The following DNAH14 variants were observed in gnomAD, a reference collection of about 807,000 sequenced individuals.
DNAH14 encodes the protein axonemal beta dynein heavy chain 14.
In DNAH14, 478 loss-of-function variants were observed where a neutral mutation model predicts 520.9. The observed-to-expected ratio is 0.92, with a 90% CI of 0.85 to 0.99. The LOEUF (loss-of-function observed/expected upper bound fraction) is 0.99, where lower values mean the gene tolerates loss of function less well. DNAH14 is among the 50% of genes least tolerant of loss of function. The pLI is 0.00. For synonymous variants in DNAH14, 1,581 were observed against 1,757.2 expected (o/e 0.90, Z 2.51); for missense variants, 4,831 against 5,234.5 (o/e 0.92, Z 2.38).
intron 52 of DNAH14, among the ~76,000 whole-genome samples, 183 bp from the exon 53 acceptor site, chr1:225,275,731 G>A (rs1412183693): frequency 1.3e-5 from 2 of 152,094 alleles, no homozygotes; most frequent in Non-Finnish European, 2.9e-5. Context: ...TTGAGAAAGA[G>A]TCCACAGGCT....
At chr1:225,349,646 G>C (rs572740725) in intron 71 of DNAH14, among the ~76,000 whole-genome samples, 34 of 152,182 alleles carry the variant, frequency 2.2e-4, no homozygotes, top group African/African-American at 6.7e-4. Flanking sequence ...GAGTAGGAGT[G>C]GTTGTACTAA....
intron 3 of DNAH14, among the ~76,000 whole-genome samples, chr1:224,959,160 A>G (rs183158975): frequency 3.3e-5 from 5 of 152,222 alleles, no homozygotes; most frequent in Admixed American, 6.6e-5. Flanking sequence ...GCTTAAAGAT[A>G]GAAGAAAGTT....
chr1:225,207,605 G>A (rs1302783947), intron 41 of DNAH14, among the ~76,000 whole-genome samples: 1 of 152,132 alleles, frequency 6.6e-6, no homozygotes, highest in Non-Finnish European at 1.5e-5. Flanking sequence ...ACATATGTAA[G>A]GAGGGATAAA....
At chr1:225,035,548 C>T (rs2066894012) in intron 11 of DNAH14, among the ~76,000 whole-genome samples, 1 of 151,668 alleles carries the variant, frequency 6.6e-6, no homozygotes, top group Non-Finnish European at 1.5e-5. Context: ...ATATACTTCC[C>T]TGTTAGTACT....
chr1:225,174,565 G>T (rs1239380940), intron 36 of DNAH14, among the ~76,000 whole-genome samples: 1 of 152,108 alleles, frequency 6.6e-6, no homozygotes, highest in African/African-American at 2.4e-5. Flanking sequence ...AGTTTTAAAA[G>T]CTTTTTGGTG....
intron 23 of DNAH14, among the ~76,000 whole-genome samples, chr1:225,110,159 T>C (rs929985751): frequency 1.3e-5 from 2 of 152,148 alleles, no homozygotes; most frequent in African/African-American, 4.8e-5. Flanking sequence ...TTAATGTGTC[T>C]TTGTCTGCTT....
At chr1:225,007,362 A>G in intron 9 of DNAH14, 51 bp from the exon 10 acceptor site, 1 of 1,378,574 alleles carries the variant, frequency 7.3e-7, no homozygotes, top group South Asian at 1.6e-5. Context: ...TATCTTTTTT[A>G]AATATGAATT....
intron 71 of DNAH14, 46 bp from the exon 72 acceptor site, chr1:225,351,601 T>C (rs1214442770): frequency 1.4e-6 from 2 of 1,391,038 alleles, no homozygotes; most frequent in Non-Finnish European, 9.6e-7. Flanking sequence ...AACTAAAAGG[T>C]AAAGGTTTAT....
intron 3 of DNAH14, among the ~76,000 whole-genome samples, chr1:224,958,530 G>A (rs1475729240): frequency 6.6e-6 from 1 of 152,014 alleles, no homozygotes; most frequent in Non-Finnish European, 1.5e-5. Context: ...TAAAGAGAAA[G>A]GTGAAATAAA....
chr1:225,218,147 C>T (rs1371707040), intron 41 of DNAH14, among the ~76,000 whole-genome samples: 2 of 152,068 alleles, frequency 1.3e-5, no homozygotes, highest in East Asian at 3.9e-4. Flanking sequence ...TACAAGAGCT[C>T]CTGAAGGAAG....
At chr1:225,307,850 G>C (rs1454456439) in intron 59 of DNAH14, among the ~76,000 whole-genome samples, 1 of 152,210 alleles carries the variant, frequency 6.6e-6, no homozygotes, top group Non-Finnish European at 1.5e-5. Flanking sequence ...TATGTAGAAA[G>C]ATTCCCTAGT....
chr1:225,149,822 G>GAT (rs2080311760), intron 31 of DNAH14, among the ~76,000 whole-genome samples: 4 of 150,404 alleles, frequency 2.7e-5, no homozygotes, highest in African/African-American at 9.8e-5. Context: ...GGTTTTTCTA[G>GAT]ATATAGAATC....
chr1:225,269,617 TCAAA>T (rs1263558883), intron 49 of DNAH14, among the ~76,000 whole-genome samples: 1 of 151,702 alleles, frequency 6.6e-6, no homozygotes, highest in Non-Finnish European at 1.5e-5. Context: ...TACAAAGAAC[TCAAA>T]CAAATTTACA....
intron 1 of DNAH14, among the ~76,000 whole-genome samples, chr1:224,936,716 C>T (rs998124952): frequency 6.6e-6 from 1 of 151,824 alleles, no homozygotes; most frequent in East Asian, 1.9e-4. Flanking sequence ...CAACCTCATC[C>T]TACAAGGCTG....
intron 46 of DNAH14, among the ~76,000 whole-genome samples, chr1:225,262,158 G>A (rs2092955452): frequency 6.6e-6 from 1 of 151,234 alleles, no homozygotes; most frequent in Non-Finnish European, 1.5e-5. Context: ...TTGAGAAGTG[G>A]CTGTTCATGT....
At chr1:225,156,923 G>C (rs2081105219) in intron 34 of DNAH14, among the ~76,000 whole-genome samples, 1 of 112,662 alleles carries the variant, frequency 8.9e-6, no homozygotes, top group African/African-American at 3.7e-5. Context: ...CACCGTTTTA[G>C]CCGGGATGGT....
Position 225,389,952 on chromosome 1 carries a change from C to T in DNAH14, c.13330+79C>T. 5 of 1,300,344 alleles carry T rather than the reference C, an allele frequency of 3.8e-6. No homozygotes were observed. In the South Asian group the frequency reaches 5.5e-5, roughly 14 times the overall value. 80.6% of individuals were successfully genotyped at this position (1,300,344 alleles called of 1,614,324 possible). A position where few individuals can be genotyped will look rare whatever the true frequency, so the allele number is the denominator to read the frequency against. ...CAGTCCTTCTGTCACTCACCCTTTC[C>T]TCCTCCCCTTTAGGATGACAACACC... On this transcript the variant is annotated intron_variant, in intron 83 of 85. Coordinates refer to ENST00000682510, the MANE Select transcript of DNAH14 (RefSeq NM_001367479.1).
At chr1:225,202,068 G>T (rs1230960581) in intron 38 of DNAH14, among the ~76,000 whole-genome samples, 1 of 152,030 alleles carries the variant, frequency 6.6e-6, no homozygotes, top group Non-Finnish European at 1.5e-5. Flanking sequence ...TAGAGATGGG[G>T]TTTCACCATG....
intron 41 of DNAH14, among the ~76,000 whole-genome samples, chr1:225,212,189 A>G (rs1248843055): frequency 6.6e-6 from 1 of 151,490 alleles, no homozygotes; most frequent in Non-Finnish European, 1.5e-5. Flanking sequence ...GTTTGCTGAG[A>G]ATGATGGTTT....
Sources: allele counts gnomAD v4.1 joint callset (sites outside exome capture counted in the v4.1 genomes callset), GRCh38; gene constraint gnomAD v4.1.1; transcripts MANE v1.5; gene names NCBI Gene and HGNC (gene_info 2026-07-23, HGNC 2026-07-21).